NRXN3: variants seen among roughly 807,000 people sequenced by gnomAD.
The protein encoded by NRXN3 is neurexin 3, also known as neurexin III.
In NRXN3, 32 loss-of-function variants were observed where a neutral mutation model predicts 137.6. The observed-to-expected ratio is 0.23, with a 90% CI of 0.18 to 0.31. The LOEUF is 0.31. Ranked by LOEUF, NRXN3 falls within the 10% of genes least tolerant of loss-of-function variation. The pLI is 1.00. For synonymous variants in NRXN3, 798 were observed against 784.5 expected (o/e 1.02, Z -0.29); for missense variants, 1,574 against 2,062.5 (o/e 0.76, Z 4.59).
intron 15 of NRXN3, among the ~76,000 whole-genome samples, chr14:79,159,357 G>A (rs772737261): frequency 1.1e-4 from 17 of 151,712 alleles, no homozygotes; most frequent in Non-Finnish European, 2.4e-4. Flanking sequence ...TTAAAGCTCT[G>A]GTCTTGTCTT....
chr14:79,655,336 T>C (rs1273453098), intron 16 of NRXN3, among the ~76,000 whole-genome samples: 1 of 120,514 alleles, frequency 8.3e-6, no homozygotes, highest in Non-Finnish European at 1.5e-5. Context: ...ACCTGCAAAG[T>C]GGGCATTTGA....
At chr14:79,571,363 A>C (rs2052231860) in intron 16 of NRXN3, among the ~76,000 whole-genome samples, 1 of 152,216 alleles carries the variant, frequency 6.6e-6, no homozygotes, top group African/African-American at 2.4e-5. Context: ...AGATAGGGTC[A>C]CTTAAAATAT....
intron 4 of NRXN3, among the ~76,000 whole-genome samples, chr14:78,643,997 C>T (rs1485098841): frequency 6.6e-6 from 1 of 151,844 alleles, no homozygotes; most frequent in South Asian, 2.1e-4. Flanking sequence ...AAAAGTTAGT[C>T]GGGCGTGTTG....
chr14:78,917,689 G>A (rs154376), intron 10 of NRXN3, among the ~76,000 whole-genome samples: 47,389 of 151,794 alleles, frequency 0.31, 8,914 homozygotes, highest in African/African-American at 0.52. Context: ...GGAGCACCCA[G>A]GAATGACTGT....
chr14:79,498,939 T>A (rs1288415679), intron 16 of NRXN3, among the ~76,000 whole-genome samples: 1 of 152,104 alleles, frequency 6.6e-6, no homozygotes, highest in Non-Finnish European at 1.5e-5. Flanking sequence ...CACACACCAT[T>A]ATGCCCAGTT....
chr14:79,093,733 G>A (rs74066647), intron 15 of NRXN3, among the ~76,000 whole-genome samples: 411 of 152,182 alleles, frequency 2.7e-3, no homozygotes, highest in African/African-American at 8.8e-3. Context: ...TTTCTAGGGG[G>A]ATATACATGT....
chr14:78,574,117 G>C (rs1396358322), intron 4 of NRXN3, among the ~76,000 whole-genome samples: 1 of 152,230 alleles, frequency 6.6e-6, no homozygotes, highest in Non-Finnish European at 1.5e-5. Context: ...TGGGTGCACA[G>C]AAGTCAAGAA....
intron 10 of NRXN3, among the ~76,000 whole-genome samples, chr14:78,858,966 G>T (rs958207181): frequency 6.6e-6 from 1 of 152,052 alleles, no homozygotes; most frequent in Non-Finnish European, 1.5e-5. Context: ...GATATGGTTT[G>T]GCTGTATCCC....
intron 10 of NRXN3, among the ~76,000 whole-genome samples, chr14:78,940,056 CAGCAGGTTCTTGTA>C (rs1408071889): frequency 1.3e-5 from 2 of 152,276 alleles, no homozygotes; most frequent in Non-Finnish European, 2.9e-5. Flanking sequence ...GTTTTCAGTA[CAGCAGGTTCTTGTA>C]AGCAGGTTCT....
In NRXN3 at chr14:79,113,645, G is replaced by T. The variant is rs189540317; in HGVS notation, c.3262+125504G>T. Among the ~76,000 whole-genome samples, 11 of 152,174 alleles carry T rather than the reference G, an allele frequency of 7.2e-5. No individual in the cohort carries two copies. The East Asian group carries it at 2.1e-3, about 29-fold the overall frequency. On this transcript the variant is annotated intron_variant, in intron 15 of 20. Transcript: ENST00000335750. The stretch of plus-strand genomic sequence containing the variant: ...ACTTTCTGGAATACATCCCAGTTTG[G>T]TTTTTTCCCCCTATGTCACTACTTA...
At position 78,966,383 on chromosome 14, in the gene NRXN3, C is replaced by T; in HGVS notation, c.2754C>T (p.Phe918=). The T allele has an allele frequency of 6.2e-7, 1 of 1,613,126 alleles. No individual in the cohort carries two copies. Among genetic ancestry groups the T allele is most frequent in the Non-Finnish European group, 8.5e-7 (1 of 1,179,138 alleles). The change falls in exon 12 of 21, where the codon TTC becomes TTT. Residue 918 remains phenylalanine (F), a synonymous_variant. Transcript: ENST00000335750. The stretch of plus-strand genomic sequence containing the variant: ...TCAATAGTGGTGATGGCAATGACTT[C>T]ATTGCAGTCGAGCTTGTCAAGGGGT... The part of the protein sequence containing the change: ...ILFNSGDGND[F]IAVELVKGYI...
At position 78,809,282 on chromosome 14, in the gene NRXN3, G is replaced by A. The variant is rs982479994; in HGVS notation, c.2249-1036G>A. ...CCCTCCCTTTCCCATTTAAAAAAGT[G>A]AAACAAAAACCAAAAAATTTTCTCT... On this transcript the variant is annotated intron_variant, in intron 9 of 20. Coordinates refer to ENST00000335750, the MANE Select transcript of NRXN3 (RefSeq NM_001330195.2). Among the ~76,000 whole-genome samples the A allele has an allele frequency of 6.1e-4, 93 of 151,686 alleles. 1 individual carries two copies. The highest frequency in any genetic ancestry group is 1.3e-4 in the Non-Finnish European group (9 of 67,938).
At chr14:78,934,440 C>G (rs1415400074) in intron 10 of NRXN3, among the ~76,000 whole-genome samples, 1 of 152,106 alleles carries the variant, frequency 6.6e-6, no homozygotes, top group Non-Finnish European at 1.5e-5. Context: ...ACATGATGCT[C>G]TAAAGCATTT....
At chr14:78,379,743 G>A (rs1347054284) in intron 4 of NRXN3, among the ~76,000 whole-genome samples, 3 of 152,204 alleles carry the variant, frequency 2.0e-5, no homozygotes, top group African/African-American at 7.2e-5. Context: ...AGTGCTAGAA[G>A]TTCTAGCCAG....
At chr14:79,063,306 G>T (rs1299797398) in intron 15 of NRXN3, among the ~76,000 whole-genome samples, 4 of 152,036 alleles carry the variant, frequency 2.6e-5, no homozygotes, top group African/African-American at 9.7e-5. Flanking sequence ...TTTTTGAGAT[G>T]GAGTCTCGCT....
intron 4 of NRXN3, among the ~76,000 whole-genome samples, chr14:78,521,148 C>T (rs1410322291): frequency 1.3e-5 from 2 of 150,492 alleles, no homozygotes; most frequent in Non-Finnish European, 2.9e-5. Flanking sequence ...TTTGTGTACT[C>T]TGTCTGTCTG....
chr14:79,516,080 CA>C (rs1298498246), intron 16 of NRXN3, among the ~76,000 whole-genome samples: 1 of 152,174 alleles, frequency 6.6e-6, no homozygotes, highest in Admixed American at 6.5e-5. Flanking sequence ...CTTAGGACTC[CA>C]GTGAGCCACA....
intron 15 of NRXN3, among the ~76,000 whole-genome samples, chr14:79,316,500 AAG>A (rs1161594866): frequency 3.3e-5 from 5 of 152,302 alleles, no homozygotes; most frequent in South Asian, 2.1e-4. Flanking sequence ...GAATTGTGGA[AAG>A]AGGGGAAAGG....
chr14:78,215,279 C>T (rs534941748), intron 1 of NRXN3, among the ~76,000 whole-genome samples: 7 of 152,192 alleles, frequency 4.6e-5, no homozygotes, highest in African/African-American at 1.4e-4. Context: ...TTTGGAGCAT[C>T]GGCTCTATGG....
Sources: gnomAD v4.1 joint callset for allele counts (sites outside exome capture counted in the v4.1 genomes callset) on GRCh38, gnomAD v4.1.1 for gene constraint, MANE v1.5 for transcripts, NCBI Gene and HGNC (gene_info 2026-07-23, HGNC 2026-07-21) for gene names.